The following APLP2 variants were observed in gnomAD, a reference collection of about 807,000 sequenced individuals.
APLP2 encodes the protein CDEI box-binding protein.
In APLP2, 53 loss-of-function variants were observed where a neutral mutation model predicts 89.9. The ratio of observed to expected loss-of-function variants is 0.59; its 90% CI spans 0.47 to 0.74. The LOEUF (loss-of-function observed/expected upper bound fraction) is 0.74, where lower values mean the gene tolerates loss of function less well. Among genes scored for constraint, APLP2 ranks in the 30% least tolerant of loss-of-function variants. The pLI, the probability that APLP2 is intolerant of heterozygous loss-of-function variation, is 0.00. For missense variants in APLP2, 973 were observed against 975.9 expected, an observed-to-expected ratio of 1.00 and a Z score of 0.04; for synonymous variants, 372 against 348.6, an observed-to-expected ratio of 1.07 and a Z score of -0.75.
At chr11:130,099,973 C>A (rs1946690861) in intron 1 of APLP2, among the ~76,000 whole-genome samples, 5 of 152,180 alleles carry the variant, frequency 3.3e-5, no homozygotes. Flanking sequence ...ATGTTAATAA[C>A]CCTGTTTTGT....
intron 1 of APLP2, among the ~76,000 whole-genome samples, chr11:130,085,987 A>G (rs535121179): frequency 5.3e-5 from 8 of 152,306 alleles, no homozygotes; most frequent in African/African-American, 1.7e-4. Flanking sequence ...ACTGTAAACA[A>G]TGCTGCTATG....
chr11:130,079,146 T>C (rs1002477107), intron 1 of APLP2, among the ~76,000 whole-genome samples: 1 of 152,118 alleles, frequency 6.6e-6, no homozygotes, highest in Non-Finnish European at 1.5e-5. Flanking sequence ...TCACCCAGGC[T>C]GGAGTGCAGT....
intron 1 of APLP2, among the ~76,000 whole-genome samples, chr11:130,103,914 A>G (rs528448891): frequency 2.0e-5 from 3 of 152,334 alleles, no homozygotes; most frequent in South Asian, 2.1e-4. Context: ...TTCAGACTTA[A>G]CTATAGGAGT....
At chr11:130,088,336 G>GTCT (rs1944422251) in intron 1 of APLP2, among the ~76,000 whole-genome samples, 1 of 152,162 alleles carries the variant, frequency 6.6e-6, no homozygotes, top group African/African-American at 2.4e-5. Context: ...AGGAAACAGA[G>GTCT]TTTTCCAATA....
intron 7 of APLP2, among the ~76,000 whole-genome samples, chr11:130,126,198 T>C (rs1431763290): frequency 6.6e-6 from 1 of 152,214 alleles, no homozygotes; most frequent in Non-Finnish European, 1.5e-5. Flanking sequence ...AACATTCACT[T>C]GAGCCTGTTT....
intron 1 of APLP2, chr11:130,108,540 A>C (rs1429444244): frequency 6.6e-6 from 1 of 152,222 alleles, no homozygotes; most frequent in Non-Finnish European, 1.5e-5. Flanking sequence ...GGCAGTCATT[A>C]AAAAGTCAGG....
chr11:130,124,561 C>T (rs1473803118), intron 7 of APLP2, among the ~76,000 whole-genome samples: 1 of 152,186 alleles, frequency 6.6e-6, no homozygotes, highest in African/African-American at 2.4e-5. Flanking sequence ...CTAACCTACA[C>T]ATTAGGAAAA....
intron 1 of APLP2, among the ~76,000 whole-genome samples, chr11:130,076,224 G>A (rs578112852): frequency 6.6e-6 from 1 of 152,070 alleles, no homozygotes; most frequent in Admixed American, 6.6e-5. Context: ...ACAGGTGTGC[G>A]CCACCATGCC....
At chr11:130,070,207 G>C (rs1363064542) in intron 1 of APLP2, 125 bp downstream of exon 1, 1 of 433,324 alleles carries the variant, frequency 2.3e-6, no homozygotes, top group African/African-American at 2.1e-5. Context: ...CCGGCTCTGC[G>C]GCGGGTCTGG....
intron 3 of APLP2, among the ~76,000 whole-genome samples, chr11:130,112,029 T>G (rs1948646203): frequency 6.6e-6 from 1 of 152,124 alleles, no homozygotes; most frequent in Non-Finnish European, 1.5e-5. Flanking sequence ...ACTCTTCGAT[T>G]CTTTTGTTAT....
At chr11:130,071,648 C>A (rs773495312) in intron 1 of APLP2, among the ~76,000 whole-genome samples, 9 of 152,166 alleles carry the variant, frequency 5.9e-5, no homozygotes, top group Non-Finnish European at 1.3e-4. Flanking sequence ...GAAGACTCAG[C>A]AGTTTTAAAG....
At chr11:130,090,492 C>G (rs1944790116) in intron 1 of APLP2, among the ~76,000 whole-genome samples, 1 of 151,814 alleles carries the variant, frequency 6.6e-6, no homozygotes, top group Non-Finnish European at 1.5e-5. Context: ...CTTCAAGCAT[C>G]TGTTTAACAA....
At chr11:130,099,413 T>A (rs781702619) in intron 1 of APLP2, among the ~76,000 whole-genome samples, 5 of 152,226 alleles carry the variant, frequency 3.3e-5, no homozygotes, top group Admixed American at 6.5e-5. Flanking sequence ...TTAAATAACT[T>A]CCATGAGATT....
In APLP2 at chr11:130,143,642, TATAAC is replaced by T. The variant is rs1434718073; in HGVS notation, c.*196_*200del. 1 of 558,690 alleles carries T rather than the reference TATAAC, an allele frequency of 1.8e-6. No individual in the cohort carries two copies. Among genetic ancestry groups the T allele is most frequent in the African/African-American group, 1.9e-5 (1 of 53,042 alleles). 34.6% of individuals were successfully genotyped at this position (558,690 alleles called of 1,614,324 possible). A position where few individuals can be genotyped will look rare whatever the true frequency, so the allele number is the denominator to read the frequency against. ...CTTTTAAATGGGTGAAAAATGGTAA[TATAAC>T]AATATATGATATATAAACCTTAAAT... On this transcript the variant is annotated 3_prime_UTR_variant, in exon 17 of 17. Coordinates refer to ENST00000338167, the MANE Select transcript of APLP2 (RefSeq NM_001142276.2).
chr11:130,111,230 G>A (rs1026740637), intron 3 of APLP2, among the ~76,000 whole-genome samples: 15 of 152,110 alleles, frequency 9.9e-5, no homozygotes, highest in African/African-American at 1.9e-4. Context: ...TGAGTAAAAC[G>A]GTAACTGTTT....
chr11:130,130,286 G>A lies in APLP2; in HGVS notation c.1584+120G>A. 21 of 1,370,626 alleles carry A rather than the reference G, an allele frequency of 1.5e-5. No individual in the cohort carries two copies. In the South Asian group the frequency reaches 2.5e-4, roughly 16 times the overall value. The allele number at this position is 1,370,626 out of a possible 1,614,324, so 84.9% of individuals were successfully genotyped here. A position where few individuals can be genotyped will look rare whatever the true frequency, so the allele number is the denominator to read the frequency against. ...TTTGCTACTAGTCCTTAGAAAATGA[G>A]TTTTGATTTCCGAAGACATTCGGTA... On this transcript the variant is annotated intron_variant, in intron 11 of 16. Transcript: ENST00000338167.
intron 1 of APLP2, among the ~76,000 whole-genome samples, chr11:130,080,449 C>A (rs1223535523): frequency 6.6e-6 from 1 of 152,044 alleles, no homozygotes; most frequent in Non-Finnish European, 1.5e-5. Context: ...AAGTGATCCA[C>A]CCACCTTGGC....
chr11:130,098,128 C>T (rs996165906), intron 1 of APLP2, among the ~76,000 whole-genome samples: 4 of 152,106 alleles, frequency 2.6e-5, no homozygotes, highest in Admixed American at 1.3e-4. Flanking sequence ...GATATTTGGC[C>T]GGGCGCGGTG....
Position 130,141,684 on chromosome 11 carries a change from C to G in APLP2, c.1998+112C>G, listed in dbSNP as rs1320945026. The G allele has an allele frequency of 2.0e-6, 2 of 1,007,298 alleles. No homozygotes were observed. The highest frequency in any genetic ancestry group is 1.6e-5 in the African/African-American group (1 of 61,640). 62.4% of individuals were successfully genotyped at this position (1,007,298 alleles called of 1,614,324 possible). A position where few individuals can be genotyped will look rare whatever the true frequency, so the allele number is the denominator to read the frequency against. ...AGAGATGCCTGAGCTAATAAGGGTC[C>G]CTCATCCCCAGCTTTCCGTACTTTT... On this transcript the variant is annotated intron_variant, in intron 15 of 16. Transcript: ENST00000338167. The surrounding 1 kb of genome is among the most constrained non-coding windows in gnomAD (Gnocchi z 4.2).
Sources: gnomAD v4.1 joint callset for allele counts (sites outside exome capture counted in the v4.1 genomes callset) on GRCh38, gnomAD v4.1.1 for gene constraint, Gnocchi (gnomAD v3.1) non-coding constraint, MANE v1.5 for transcripts, NCBI Gene and HGNC (gene_info 2026-07-23, HGNC 2026-07-21) for gene names.